Variants in CPVL observed in about 807,000 individuals in gnomAD.
The protein encoded by CPVL is probable serine carboxypeptidase CPVL.
CPVL carries 51 observed loss-of-function variants against 63.7 expected under a neutral mutation model. The ratio of observed to expected loss-of-function variants is 0.80; its 90% CI spans 0.64 to 1.01. The LOEUF is 1.01. Among genes scored for constraint, CPVL ranks in the 50% least tolerant of loss-of-function variants. The pLI, the probability that CPVL is intolerant of heterozygous loss-of-function variation, is 0.00. For missense variants in CPVL, 530 were observed against 573.1 expected, an observed-to-expected ratio of 0.92 and a Z score of 0.77; for synonymous variants, 195 against 206.0, an observed-to-expected ratio of 0.95 and a Z score of 0.46.
chr7:29,005,211 T>C (rs1485587346), intron 12 of CPVL, among the ~76,000 whole-genome samples: 1 of 152,108 alleles, frequency 6.6e-6, no homozygotes, highest in African/African-American at 2.4e-5. Context: ...ATGTCTTAAG[T>C]TTGTACCATG....
intron 2 of CPVL, among the ~76,000 whole-genome samples, chr7:29,120,460 T>C (rs1407794764): frequency 6.6e-6 from 1 of 151,916 alleles, no homozygotes; most frequent in Non-Finnish European, 1.5e-5. Flanking sequence ...TATATATATA[T>C]ATATTTGAAA....
Position 29,112,779 on chromosome 7 carries a change from C to T in CPVL, c.213G>A (p.Met71Ile). ...CGGTGAGGAAGCCGGCATAACTCTTCATGTTCAGTCCTGGGAAAGGGCCGA... is the reference window on the plus strand; with the variant it reads ...CGGTGAGGAAGCCGGCATAACTCTTTATGTTCAGTCCTGGGAAAGGGCCGA... ...SLVGPFPGLN[M>I]KSYAGFLTVN... Residue 71 changes from methionine (M) to isoleucine (I), a missense_variant, in exon 3 of 13, where the codon ATG (methionine) becomes ATA (isoleucine). By Grantham distance (10) the Met-to-Ile change is conservative (BLOSUM62 1). Coordinates refer to ENST00000265394, the MANE Select transcript of CPVL (RefSeq NM_031311.5). 5.6e-6 allele frequency: 9 copies of T among 1,613,906 alleles called. No individual in the cohort carries two copies. Among genetic ancestry groups the T allele is most frequent in the Non-Finnish European group, 7.6e-6 (9 of 1,179,946 alleles).
intron 12 of CPVL, among the ~76,000 whole-genome samples, chr7:29,021,059 T>G (rs1178359023): frequency 1.3e-5 from 2 of 151,990 alleles, no homozygotes; most frequent in Non-Finnish European, 2.9e-5. Flanking sequence ...ATGCCTGTAG[T>G]CCCAGCTACT....
chr7:29,111,107 C>T (rs1004708184), intron 3 of CPVL, among the ~76,000 whole-genome samples: 2 of 152,144 alleles, frequency 1.3e-5, no homozygotes, highest in South Asian at 2.1e-4. Flanking sequence ...ATAAAATGTG[C>T]GTTGTTTTAA....
chr7:29,078,810 T>C (rs962279479), intron 7 of CPVL, among the ~76,000 whole-genome samples: 15 of 152,262 alleles, frequency 9.9e-5, no homozygotes, highest in Admixed American at 8.5e-4. Flanking sequence ...CATTTCCATA[T>C]GCCCTTGTTC....
At chr7:29,117,176 T>A (rs1376864175) in intron 2 of CPVL, among the ~76,000 whole-genome samples, 1 of 152,226 alleles carries the variant, frequency 6.6e-6, no homozygotes, top group Non-Finnish European at 1.5e-5. Flanking sequence ...TTTAATATTT[T>A]AAATGTTGTC....
chr7:29,152,876 C>T (rs1255575872), intron 5 of CPVL, among the ~76,000 whole-genome samples: 1 of 152,192 alleles, frequency 6.6e-6, no homozygotes, highest in African/African-American at 2.4e-5. Context: ...CCTCCATGGT[C>T]TGAATAACAA....
intron 7 of CPVL, chr7:29,081,379 AGAG>A (rs1784695242): frequency 1.3e-5 from 2 of 152,242 alleles, no homozygotes; most frequent in Admixed American, 6.5e-5. Flanking sequence ...GCAGAAATGA[AGAG>A]GAGGAGGAAG....
chr7:29,023,007 A>G (rs979843693), intron 12 of CPVL, among the ~76,000 whole-genome samples: 12 of 152,292 alleles, frequency 7.9e-5, no homozygotes, highest in African/African-American at 2.9e-4. Flanking sequence ...TATATGTACC[A>G]CCTTGGGGCT....
intron 9 of CPVL, among the ~76,000 whole-genome samples, chr7:29,067,090 A>G (rs961441800): frequency 3.9e-5 from 6 of 152,120 alleles, no homozygotes; most frequent in African/African-American, 1.4e-4. Flanking sequence ...AGCAGAAGAG[A>G]TTCGGACAGG....
At chr7:29,046,906 A>G (rs956641033) in intron 11 of CPVL, among the ~76,000 whole-genome samples, 3 of 152,184 alleles carry the variant, frequency 2.0e-5, no homozygotes, top group Non-Finnish European at 2.9e-5. Context: ...ATGAGAGTGC[A>G]TTCGCATTTT....
intron 12 of CPVL, among the ~76,000 whole-genome samples, chr7:29,000,695 C>T (rs7457716): frequency 0.64 from 97,157 of 151,514 alleles, 31,882 homozygotes; most frequent in African/African-American, 0.71. Context: ...TTAAAAGCAA[C>T]TGTGGTAAAA....
chr7:29,120,823 A>C, intron 2 of CPVL, 70 bp downstream of exon 2: 1 of 1,090,320 alleles, frequency 9.2e-7, no homozygotes, highest in Non-Finnish European at 1.2e-6. Context: ...CGTCTCAAAA[A>C]AAAAAAAAAA....
chr7:29,152,317 T>TC (rs1474583467), intron 5 of CPVL, among the ~76,000 whole-genome samples: 1 of 152,062 alleles, frequency 6.6e-6, no homozygotes, highest in African/African-American at 2.4e-5. Flanking sequence ...TTTAAAGGAT[T>TC]CCCCCTTGAT....
intron 3 of CPVL, among the ~76,000 whole-genome samples, chr7:29,105,496 C>T (rs1314243051): frequency 6.6e-6 from 1 of 152,220 alleles, no homozygotes; most frequent in African/African-American, 2.4e-5. Context: ...GAAAGACTGA[C>T]TGCCTTTCCT....
intron 5 of CPVL, among the ~76,000 whole-genome samples, chr7:29,167,669 A>G (rs1389806640): frequency 6.6e-6 from 1 of 152,184 alleles, no homozygotes; most frequent in Non-Finnish European, 1.5e-5. Flanking sequence ...ATCTTCACCA[A>G]TATTTGGTTT....
chr7:29,034,004 A>G (rs1381474808), intron 11 of CPVL, among the ~76,000 whole-genome samples: 1 of 152,246 alleles, frequency 6.6e-6, no homozygotes, highest in Non-Finnish European at 1.5e-5. Flanking sequence ...GGAAAGAACA[A>G]ATCAAAATAC....
At chr7:29,085,286 G>C (rs1470063853) in intron 7 of CPVL, among the ~76,000 whole-genome samples, 1 of 152,200 alleles carries the variant, frequency 6.6e-6, no homozygotes, top group East Asian at 1.9e-4. Flanking sequence ...GACATGCTTG[G>C]AGGCTAATGG....
chr7:29,109,321 C>T (rs183421374), intron 3 of CPVL, among the ~76,000 whole-genome samples: 20 of 152,170 alleles, frequency 1.3e-4, no homozygotes, highest in Non-Finnish European at 2.4e-4. Flanking sequence ...GAAACAGCAT[C>T]CCCCCAAAAA....
Sources: gnomAD v4.1 joint callset for allele counts (sites outside exome capture counted in the v4.1 genomes callset) on GRCh38, gnomAD v4.1.1 for gene constraint, MANE v1.5 for transcripts, NCBI Gene and HGNC (gene_info 2026-07-23, HGNC 2026-07-21) for gene names.